The following APBB1 variants were observed in gnomAD, a reference collection of about 807,000 sequenced individuals.
APBB1 encodes amyloid beta precursor protein binding family B member 1.
APBB1 carries 22 observed loss-of-function variants against 78.4 expected under a neutral mutation model. That is an observed-to-expected ratio of 0.28 (90% CI 0.20 to 0.40). The LOEUF is 0.40. Ranked by LOEUF, APBB1 falls within the 10% of genes least tolerant of loss-of-function variation. The pLI, the probability that APBB1 is intolerant of heterozygous loss-of-function variation, is 1.00. For missense variants in APBB1, 749 were observed against 932.4 expected (o/e 0.80, Z 2.56); for synonymous variants, 369 against 372.7 (o/e 0.99, Z 0.12).
At chr11:6,404,825 C>T (rs1011422509) in intron 2 of APBB1, 40 of 1,534,982 alleles carry the variant, frequency 2.6e-5, no homozygotes, top group Non-Finnish European at 3.4e-5. Flanking sequence ...CTCCTGCCTC[C>T]ACCCTCCCTC....
intron 1 of APBB1, among the ~76,000 whole-genome samples, chr11:6,414,463 C>T (rs778621512): frequency 2.0e-5 from 3 of 151,966 alleles, no homozygotes; most frequent in African/African-American, 4.8e-5. Context: ...TGCCGTGTGC[C>T]GACACAGACT....
In APBB1 at chr11:6,403,974, T is replaced by G; in HGVS notation, c.722-152A>C. ...TCCTGCTTCTGCCTAGAGCCTATAG[T>G]CTGGAGTCACCACATGTGGGGCCAC... On this transcript the variant is annotated intron_variant, in intron 2 of 14. Transcript: ENST00000609360. The surrounding 1 kb of genome is among the most constrained non-coding windows in gnomAD (Gnocchi z 5.3). 1 of 825,552 alleles carries G rather than the reference T, an allele frequency of 1.2e-6. No individual in the cohort carries two copies. The highest frequency in any genetic ancestry group is 2.8e-5 in the South Asian group (1 of 35,094). 51.1% of individuals were successfully genotyped at this position (825,552 alleles called of 1,614,324 possible). A position where few individuals can be genotyped will look rare whatever the true frequency, so the allele number is the denominator to read the frequency against.
At chr11:6,417,511 A>G (rs1849149828) in intron 1 of APBB1, among the ~76,000 whole-genome samples, 1 of 152,222 alleles carries the variant, frequency 6.6e-6, no homozygotes, top group Non-Finnish European at 1.5e-5. Flanking sequence ...AGTGCCTGGC[A>G]TATATTAGGT....
At chr11:6,400,367 C>T (rs540297231) in intron 12 of APBB1, among the ~76,000 whole-genome samples, 1 of 152,184 alleles carries the variant, frequency 6.6e-6, no homozygotes, top group Admixed American at 6.5e-5. Flanking sequence ...CACAGTGAAA[C>T]CCCGTCTCCA....
At position 6,402,077 on chromosome 11, in the gene APBB1, C is replaced by A. The variant is rs1817785403; in HGVS notation, c.1382+5G>T. ...CCACCCTCGAATCCCAAGCCCTATTCCCACCTTCCACTGTCCCGCCCGACG... is the reference window on the plus strand; with the variant it reads ...CCACCCTCGAATCCCAAGCCCTATTACCACCTTCCACTGTCCCGCCCGACG... On this transcript the variant is annotated splice_donor_5th_base_variant and intron_variant, in intron 8 of 14. Transcript: ENST00000609360. The A allele has an allele frequency of 1.2e-6, 2 of 1,613,824 alleles. No individual in the cohort carries two copies. Among genetic ancestry groups the A allele is most frequent in the East Asian group, 4.5e-5 (2 of 44,882 alleles).
chr11:6,396,286 G>T, intron 12 of APBB1, 71 bp from the exon 13 acceptor site: 1 of 1,344,278 alleles, frequency 7.4e-7, no homozygotes, highest in Non-Finnish European at 1.0e-6. Context: ...TGGACCTCTA[G>T]TTCCACCCAA....
chr11:6,400,133 C>T (rs187464030), intron 12 of APBB1, among the ~76,000 whole-genome samples: 63 of 152,214 alleles, frequency 4.1e-4, no homozygotes, highest in Admixed American at 3.9e-3. Context: ...GGACTGTGGC[C>T]ACTGTTCTCC....
intron 12 of APBB1, 129 bp downstream of exon 12, chr11:6,400,860 T>C: frequency 2.3e-6 from 2 of 855,962 alleles, no homozygotes; most frequent in East Asian, 2.5e-5. Context: ...GGAGGTGGGA[T>C]GCATTTTAAA....
chr11:6,405,940 G>A (rs1848783831), intron 2 of APBB1, among the ~76,000 whole-genome samples: 1 of 152,158 alleles, frequency 6.6e-6, no homozygotes, highest in Admixed American at 6.5e-5. Context: ...GGGCTGGCTG[G>A]ACACTTCTGG....
intron 1 of APBB1, among the ~76,000 whole-genome samples, chr11:6,412,153 T>C (rs944395988): frequency 6.6e-6 from 1 of 152,106 alleles, no homozygotes; most frequent in Admixed American, 6.6e-5. Flanking sequence ...GGGTTGTTTG[T>C]CTGTTTGTTT....
chr11:6,396,195 C>T lies in APBB1; in HGVS notation c.1693G>A (p.Ala565Thr). 1.3e-6 allele frequency: 2 copies of T among 1,551,054 alleles called. No homozygotes were observed. Among genetic ancestry groups the T allele is most frequent in the Non-Finnish European group, 1.7e-6 (2 of 1,146,838 alleles). ...CTGGAGGACAGGACTGACTCGAGGGCCCCATTAATCACATCTACCCCTAGA... is the reference window on the plus strand; with the variant it reads ...CTGGAGGACAGGACTGACTCGAGGGTCCCATTAATCACATCTACCCCTAGA... ...KPVGVDVING[A>T]LESVLSSSSR... The change falls in exon 13 of 15, where the codon GCC (alanine) becomes ACC (threonine). Residue 565 changes from alanine (A) to threonine (T), a missense_variant. Physicochemically the swap from Ala to Thr is moderately conservative, Grantham distance 58. This residue lies in a region of APBB1 where 635 missense variants were observed against 765.0 expected (regional missense o/e 0.83). Coordinates refer to ENST00000609360, the MANE Select transcript of APBB1 (RefSeq NM_001164.5).
In APBB1 at chr11:6,403,540, G is replaced by T. The variant is rs940658222; in HGVS notation, c.902C>A (p.Thr301Asn). Residue 301 changes from threonine (T) to asparagine (N), a missense_variant, in exon 4 of 15, where the codon ACC becomes AAC. Thr to Asn is a moderately conservative substitution (Grantham distance 65). Transcript: ENST00000609360. This position sits in a 1 kb window ranked among gnomAD's most constrained non-coding sequence, Gnocchi z 5.3. ...GSSPQEESQL[T>N]WTGFAHGEGF... ...TTCTCCATGAGCAAAACCTGTCCAG[G>T]TGAGCTAGGAGGAGGGATGGGAGTA... 3.1e-6 allele frequency: 5 copies of T among 1,614,070 alleles called. No individual in the cohort carries two copies. The highest frequency in any genetic ancestry group is 4.2e-6 in the Non-Finnish European group (5 of 1,180,034).
intron 2 of APBB1, chr11:6,404,532 A>T: frequency 6.7e-7 from 1 of 1,499,642 alleles, no homozygotes; most frequent in Non-Finnish European, 9.0e-7. Flanking sequence ...ATGTGTGCAG[A>T]CACCACAGAC....
chr11:6,403,311 C>G lies in APBB1; in HGVS notation c.1040+8G>C. ...CCCACTGCCAGCTCACTGCATCTGGCAGCTCACCTGAGGCTCTGAGCTGGG... is the reference window on the plus strand; with the variant it reads ...CCCACTGCCAGCTCACTGCATCTGGGAGCTCACCTGAGGCTCTGAGCTGGG... On this transcript the variant is annotated splice_region_variant and intron_variant, in intron 5 of 14. Transcript: ENST00000609360. This position sits in a 1 kb window ranked among gnomAD's most constrained non-coding sequence, Gnocchi z 5.3. The G allele has an allele frequency of 6.2e-7, 1 of 1,613,886 alleles. No individual in the cohort carries two copies.
At position 6,412,446 on chromosome 11, in the gene APBB1, C is replaced by T. The variant is rs113986673; in HGVS notation, c.-14-1085G>A. Among the ~76,000 whole-genome samples the T allele has an allele frequency of 2.3e-3, 345 of 152,292 alleles. 1 individual carries two copies. The highest frequency in any genetic ancestry group is 3.7e-3 in the Non-Finnish European group (254 of 68,022). On this transcript the variant is annotated intron_variant, in intron 1 of 14. Transcript: ENST00000609360. ...GATTACAGGCATGAGCCACTGCGTC[C>T]GGCCCAGCCTTTCAGATCTTTGACC...
Position 6,395,857 on chromosome 11 carries a change from A to G in APBB1, c.1894T>C (p.Phe632Leu), listed in dbSNP as rs781310770. ...AFIMAAGPAS[F>L]CCHMFWCEPN... ...TCGCACCAGAACATGTGGCAGCAGA[A>G]GGAGGCTGGGCCGGCAGCCATGATG... The change falls in exon 14 of 15, where the codon TTC (phenylalanine) becomes CTC (leucine). Residue 632 changes from phenylalanine to leucine, a missense_variant. Phe to Leu is a conservative substitution (Grantham distance 22, BLOSUM62 0). Coordinates refer to ENST00000609360, the MANE Select transcript of APBB1 (RefSeq NM_001164.5). The surrounding 1 kb of genome is among the most constrained non-coding windows in gnomAD (Gnocchi z 5.2). 1 of 1,614,152 alleles carries G rather than the reference A, an allele frequency of 6.2e-7. No individual in the cohort carries two copies. Among genetic ancestry groups the G allele is most frequent in the Admixed American group, 1.7e-5 (1 of 60,018 alleles).
intron 2 of APBB1, chr11:6,404,710 C>T (rs1020643150): frequency 1.3e-6 from 2 of 1,536,096 alleles, no homozygotes; most frequent in Admixed American, 3.9e-5. Context: ...GTCAGCCCCA[C>T]CCCACATGAG....
rs925700354 is a variant in APBB1 at position 6,402,603 on chromosome 11, A to C, written c.1227T>G (p.His409Gln). The C allele has an allele frequency of 6.2e-7, 1 of 1,614,074 alleles. No homozygotes were observed. Among genetic ancestry groups the C allele is most frequent in the Non-Finnish European group, 8.5e-7 (1 of 1,179,990 alleles). The change falls in exon 7 of 15, where the codon CAT (histidine) becomes CAG (glutamine). Residue 409 changes from histidine (H) to glutamine (Q), a missense_variant. Around this residue, in one of 3 missense-constraint regions of APBB1, gnomAD observed 635 missense variants for 765.0 expected, o/e 0.83. Coordinates refer to ENST00000609360, the MANE Select transcript of APBB1 (RefSeq NM_001164.5). The part of the protein sequence containing the change: ...RQLSYHKNNL[H>Q]DPMSGGWGEG... ...CCCCCCAGCCCCCAGACATGGGGTCATGCAGGTTGTTTTTGTGGTAAGAGA... is the reference window on the plus strand; with the variant it reads ...CCCCCCAGCCCCCAGACATGGGGTCCTGCAGGTTGTTTTTGTGGTAAGAGA...
chr11:6,402,062 A>G lies in APBB1; in HGVS notation c.1382+20T>C, dbSNP rs1485909327. On this transcript the variant is annotated intron_variant, in intron 8 of 14. Coordinates refer to ENST00000609360, the MANE Select transcript of APBB1 (RefSeq NM_001164.5). ...ATGCTGGATGAACTCCCACCCTCGA[A>G]TCCCAAGCCCTATTCCCACCTTCCA... is the stretch of plus-strand genomic sequence containing the variant. The G allele has an allele frequency of 1.2e-6, 2 of 1,612,854 alleles. No individual in the cohort carries two copies. Among genetic ancestry groups the G allele is most frequent in the Admixed American group, 3.3e-5 (2 of 59,958 alleles).
Sources: gnomAD v4.1 joint callset for allele counts (sites outside exome capture counted in the v4.1 genomes callset) on GRCh38, gnomAD v4.1.1 for gene constraint, gnomAD v4.1.1 regional missense constraint, Gnocchi (gnomAD v3.1) non-coding constraint, MANE v1.5 for transcripts, NCBI Gene and HGNC (gene_info 2026-07-23, HGNC 2026-07-21) for gene names.